Variants in PPP6R2 observed in about 807,000 individuals in gnomAD.
PPP6R2 encodes the protein protein phosphatase 6 regulatory subunit 2, also known as serine/threonine-protein phosphatase 6 regulatory subunit 2.
In PPP6R2, 62 loss-of-function variants were observed where a neutral mutation model predicts 100.2. The observed-to-expected ratio is 0.62, with a 90% CI of 0.50 to 0.76. PPP6R2 has a LOEUF of 0.76. Ranked by LOEUF, PPP6R2 falls within the 30% of genes least tolerant of loss-of-function variation. The pLI is 0.00. For synonymous variants in PPP6R2, 525 were observed against 514.7 expected, an observed-to-expected ratio of 1.02 and a Z score of -0.27; for missense variants, 1,142 against 1,276.3, an observed-to-expected ratio of 0.89 and a Z score of 1.60.
the PPP6R2 span, among the ~76,000 whole-genome samples, chr22:50,336,520 C>T: frequency 1.3e-5 from 2 of 152,168 alleles, no homozygotes; most frequent in East Asian, 1.9e-4. Flanking sequence ...GGACTACAGT[C>T]GTGCATCACC....
intron 2 of PPP6R2, among the ~76,000 whole-genome samples, chr22:50,393,177 G>T (rs2056007628): frequency 6.6e-6 from 1 of 152,176 alleles, no homozygotes; most frequent in Non-Finnish European, 1.5e-5. Context: ...CTGGATCAGT[G>T]GTGATTCCTC....
At chr22:50,417,942 A>G (rs1042551537) in intron 6 of PPP6R2, among the ~76,000 whole-genome samples, 7 of 152,066 alleles carry the variant, frequency 4.6e-5, no homozygotes, top group Non-Finnish European at 8.8e-5. Context: ...TCTTAATCAC[A>G]TTTGTCTTAC....
chr22:50,355,852 A>C (rs570478524), intron 1 of PPP6R2, among the ~76,000 whole-genome samples: 32 of 150,820 alleles, frequency 2.1e-4, no homozygotes, highest in South Asian at 1.5e-3. Context: ...AAAAAAAAAA[A>C]CCAAAAAAAA....
chr22:50,390,391 G>A (rs997311714), intron 2 of PPP6R2, among the ~76,000 whole-genome samples: 5 of 152,164 alleles, frequency 3.3e-5, no homozygotes, highest in Non-Finnish European at 7.3e-5. Flanking sequence ...TCACAAGAAT[G>A]GTGAGATTGG....
intron 1 of PPP6R2, among the ~76,000 whole-genome samples, chr22:50,357,871 T>G (rs2046946128): frequency 6.6e-6 from 1 of 152,030 alleles, no homozygotes; most frequent in Admixed American, 6.6e-5. Flanking sequence ...TGATTCGTCC[T>G]CCTTGGCCTT....
chr22:50,435,324 C>T (rs1462381358), intron 13 of PPP6R2, among the ~76,000 whole-genome samples: 1 of 152,216 alleles, frequency 6.6e-6, no homozygotes, highest in Admixed American at 6.5e-5. Context: ...GCGTGTGGCA[C>T]AAGAGACAGT....
chr22:50,442,678 T>C (rs1358482894), intron 22 of PPP6R2, among the ~76,000 whole-genome samples: 1 of 152,108 alleles, frequency 6.6e-6, no homozygotes, highest in Non-Finnish European at 1.5e-5. Context: ...GTCTCCCAAG[T>C]AGCTGGGACT....
intron 1 of PPP6R2, among the ~76,000 whole-genome samples, chr22:50,350,664 T>G (rs1316510567): frequency 2.6e-5 from 4 of 151,604 alleles, no homozygotes; most frequent in African/African-American, 9.7e-5. Context: ...GCTAACACGG[T>G]GAAACCCCGT....
chr22:50,357,283 G>A (rs2046805857), intron 1 of PPP6R2, among the ~76,000 whole-genome samples: 2 of 152,146 alleles, frequency 1.3e-5, no homozygotes, highest in South Asian at 2.1e-4. Context: ...CCTTTGTGGT[G>A]TGTGCATGCG....
At chr22:50,340,511 GTGTGGTGTGTGTGGGGGGTA>G (rs1332941051), upstream of PPP6R2, among the ~76,000 whole-genome samples, 120 of 94,320 alleles carry the variant, frequency 1.3e-3, 1 homozygote, top group African/African-American at 9.8e-3. Context: ...TGTGGTGTGT[GTGTGGTGTGTGTGGGGGGTA>G]TGTGGTGTGT....
intron 12 of PPP6R2, 43 bp from the exon 13 acceptor site, chr22:50,434,923 G>A: frequency 1.3e-6 from 2 of 1,552,872 alleles, no homozygotes; most frequent in South Asian, 1.2e-5. Flanking sequence ...GTCTGGCAAG[G>A]TCGGGGCCAG....
chr22:50,338,307 T>TGTGTGTGGTGTGTA (rs2042326099), upstream of PPP6R2, among the ~76,000 whole-genome samples: 3 of 146,950 alleles, frequency 2.0e-5, no homozygotes, highest in African/African-American at 5.1e-5. Flanking sequence ...GTGTGTGGTG[T>TGTGTGTGGTGTGTA]GTGTGTGGTG....
At chr22:50,360,821 C>G (rs2047645093) in intron 1 of PPP6R2, among the ~76,000 whole-genome samples, 1 of 152,214 alleles carries the variant, frequency 6.6e-6, no homozygotes, top group African/African-American at 2.4e-5. Flanking sequence ...CAGTCTCTCT[C>G]AGGTTTGGCA....
chr22:50,331,899 C>T, the PPP6R2 span, among the ~76,000 whole-genome samples: 1 of 152,042 alleles, frequency 6.6e-6, no homozygotes, highest in Non-Finnish European at 1.5e-5. Flanking sequence ...GGATTACAGG[C>T]GTGAGCCATT....
intron 1 of PPP6R2, among the ~76,000 whole-genome samples, chr22:50,354,487 TA>T (rs1191371201): frequency 6.6e-6 from 1 of 152,076 alleles, no homozygotes; most frequent in Non-Finnish European, 1.5e-5. Context: ...TTTTTATTTT[TA>T]TTTTTTGGCT....
chr22:50,403,228 G>A (rs975211221), intron 3 of PPP6R2, among the ~76,000 whole-genome samples: 1 of 152,050 alleles, frequency 6.6e-6, no homozygotes, highest in Admixed American at 6.6e-5. Context: ...AAATCAGTTT[G>A]TTCCCTGTGG....
At chr22:50,333,567 C>T in the PPP6R2 span, among the ~76,000 whole-genome samples, 4 of 152,106 alleles carry the variant, frequency 2.6e-5, no homozygotes, top group Non-Finnish European at 5.9e-5. Context: ...CTCCTGACCT[C>T]GTGATCCGCC....
At chr22:50,421,738 C>A (rs567448601) in intron 8 of PPP6R2, among the ~76,000 whole-genome samples, 1 of 152,024 alleles carries the variant, frequency 6.6e-6, no homozygotes, top group Non-Finnish European at 1.5e-5. Flanking sequence ...TGGCAAAATC[C>A]TGTCTCTACT....
Position 50,431,485 on chromosome 22 carries a change from C to T in PPP6R2, c.1335+103C>T, listed in dbSNP as rs1384741388. The T allele has an allele frequency of 1.8e-6, 2 of 1,093,554 alleles. No homozygotes were observed. The highest frequency in any genetic ancestry group is 1.5e-5 in the South Asian group (1 of 67,970). 67.7% of individuals were successfully genotyped at this position (1,093,554 alleles called of 1,614,324 possible). ...GCCGGACCTCACTGTGCAGCTGACA[C>T]GGGGGCAGGGCTTTGAAAAGGGTCC... On this transcript the variant is annotated intron_variant, in intron 11 of 23. Transcript: ENST00000612753. The surrounding 1 kb of genome is among the most constrained non-coding windows in gnomAD (Gnocchi z 4.8).
Sources: allele counts gnomAD v4.1 joint callset (sites outside exome capture counted in the v4.1 genomes callset), GRCh38; gene constraint gnomAD v4.1.1; non-coding constraint Gnocchi (gnomAD v3.1); transcripts MANE v1.5; gene names NCBI Gene and HGNC (gene_info 2026-07-23, HGNC 2026-07-21).